KIF13B: variants seen among roughly 807,000 people sequenced by gnomAD.
KIF13B encodes the protein kinesin-like protein KIF13B.
KIF13B carries 127 observed loss-of-function variants against 222.0 expected under a neutral mutation model. That is an observed-to-expected ratio of 0.57 (90% CI 0.50 to 0.66). KIF13B has a LOEUF of 0.66. Among genes scored for constraint, KIF13B ranks in the 30% least tolerant of loss-of-function variants. The probability of loss-of-function intolerance (pLI) is 0.00; values close to 1 mark genes in which losing one functional copy is unlikely to be tolerated. For synonymous variants in KIF13B, 976 were observed against 919.0 expected (o/e 1.06, Z -1.12); for missense variants, 2,173 against 2,379.0 (o/e 0.91, Z 1.80).
intron 35 of KIF13B, among the ~76,000 whole-genome samples, chr8:29,105,057 C>T (rs758056913): frequency 1.8e-4 from 28 of 152,092 alleles, no homozygotes; most frequent in Non-Finnish European, 4.0e-4. Context: ...GCCTCAAACT[C>T]CCGGGCTCAA....
chr8:29,182,017 A>G lies in KIF13B; in HGVS notation c.498-11T>C. 2 of 1,606,892 alleles carry G rather than the reference A, an allele frequency of 1.2e-6. No individual in the cohort carries two copies. Among genetic ancestry groups the G allele is most frequent in the Non-Finnish European group, 1.7e-6 (2 of 1,174,276 alleles). On this transcript the variant is annotated splice_polypyrimidine_tract_variant and intron_variant, in intron 6 of 39. Coordinates refer to ENST00000524189, the MANE Select transcript of KIF13B (RefSeq NM_015254.4). ...AACGTCTGACGGCTTCTGTTCATGA[A>G]AAACAAAGAAATGATTTTTTAACAA... is the stretch of plus-strand genomic sequence containing the variant.
At chr8:29,166,541 T>A (rs1000379614) in intron 11 of KIF13B, among the ~76,000 whole-genome samples, 7 of 151,912 alleles carry the variant, frequency 4.6e-5, no homozygotes, top group Non-Finnish European at 8.8e-5. Context: ...CCTGTCTCTA[T>A]AAAAACTACA....
At chr8:29,203,959 T>G (rs1014804644) in intron 2 of KIF13B, among the ~76,000 whole-genome samples, 37 of 147,770 alleles carry the variant, frequency 2.5e-4, no homozygotes, top group East Asian at 1.8e-3. Flanking sequence ...CTGAAACTGG[T>G]GCCAATTACC....
chr8:29,179,257 T>C (rs1162547911), intron 8 of KIF13B, among the ~76,000 whole-genome samples: 3 of 151,994 alleles, frequency 2.0e-5, no homozygotes, highest in South Asian at 4.1e-4. Flanking sequence ...ACTAGGTCTA[T>C]GGGCATGAAC....
At chr8:29,118,594 T>A (rs1170582431) in intron 30 of KIF13B, among the ~76,000 whole-genome samples, 1 of 152,136 alleles carries the variant, frequency 6.6e-6, no homozygotes, top group Non-Finnish European at 1.5e-5. Flanking sequence ...CTCTCACTGG[T>A]TGAGGAACAG....
rs58237998 is a variant in KIF13B at position 29,179,898 on chromosome 8, G to C, written c.720+206C>G. Among the ~76,000 whole-genome samples, 7,174 of 152,150 alleles carry C rather than the reference G, an allele frequency of 0.047. 359 individuals carry two copies. The highest frequency in any genetic ancestry group is 0.12 in the African/African-American group (5,003 of 41,492). On this transcript the variant is annotated intron_variant, in intron 8 of 39. Coordinates refer to ENST00000524189, the MANE Select transcript of KIF13B (RefSeq NM_015254.4). The stretch of plus-strand genomic sequence containing the variant: ...GCAGTCTAGAACCTGGTCCTCCTCA[G>C]ATGTCCCAACAACCCTGGAATGACC...
At chr8:29,121,807 TTTTA>T (rs1162982058) in intron 29 of KIF13B, among the ~76,000 whole-genome samples, 1 of 151,806 alleles carries the variant, frequency 6.6e-6, no homozygotes, top group African/African-American at 2.4e-5. Flanking sequence ...AGTTTTTTTT[TTTTA>T]AACAGGTAAT....
In KIF13B at chr8:29,223,338, A is replaced by G. The variant is rs536283862; in HGVS notation, c.149+22008T>C. On this transcript the variant is annotated intron_variant, in intron 2 of 39. Coordinates refer to ENST00000524189, the MANE Select transcript of KIF13B (RefSeq NM_015254.4). ...GTGAGAGAGACCCTGTCTCAAAAAA[A>G]AAAAAAACAAAAAAATCTAAATCAA... Among the ~76,000 whole-genome samples, 9 of 150,434 alleles carry G rather than the reference A, an allele frequency of 6.0e-5. 1 individual carries two copies. The East Asian group carries it at 1.7e-3, about 29-fold the overall frequency.
rs1807504637 is a variant in KIF13B at position 29,075,325 on chromosome 8, C to T, written c.4477G>A (p.Val1493Met). ...LAHQPVPRIM[V>M]QSASPDIRVT... ...CTGATGTCCGGGCTGGCTGACTGCA[C>T]CATGATGCGGGGCACGGGCTGAGGA... The change falls in exon 38 of 40, where the codon GTG becomes ATG. Residue 1493 changes from valine (V) to methionine (M), a missense_variant. This residue lies in a region of KIF13B where 693 missense variants were observed against 656.2 expected (regional missense o/e 1.06). Coordinates refer to ENST00000524189, the MANE Select transcript of KIF13B (RefSeq NM_015254.4). 2 of 1,559,816 alleles carry T rather than the reference C, an allele frequency of 1.3e-6. No homozygotes were observed. The highest frequency in any genetic ancestry group is 1.4e-5 in the African/African-American group (1 of 73,722).
At chr8:29,083,792 A>G (rs1586752984) in intron 37 of KIF13B, among the ~76,000 whole-genome samples, 1 of 152,176 alleles carries the variant, frequency 6.6e-6, no homozygotes, top group East Asian at 1.9e-4. Context: ...ACAGCACACT[A>G]TATCTATAGC....
At chr8:29,092,164 T>C (rs1808329680) in intron 37 of KIF13B, among the ~76,000 whole-genome samples, 1 of 152,238 alleles carries the variant, frequency 6.6e-6, no homozygotes, top group African/African-American at 2.4e-5. Context: ...GGAAATTGCA[T>C]TTCCAATGGG....
chr8:29,212,791 GTTAA>G (rs1246899871), intron 2 of KIF13B, among the ~76,000 whole-genome samples: 8 of 150,166 alleles, frequency 5.3e-5, no homozygotes, highest in Admixed American at 4.7e-4. Flanking sequence ...AAATTAATGT[GTTAA>G]TTTATTTTGG....
chr8:29,260,679 C>T (rs1041369824), intron 1 of KIF13B, among the ~76,000 whole-genome samples: 20 of 151,566 alleles, frequency 1.3e-4, no homozygotes, highest in Non-Finnish European at 2.4e-4. Context: ...CACAGTGGCA[C>T]GATCTTGGCT....
intron 1 of KIF13B, among the ~76,000 whole-genome samples, chr8:29,260,907 C>T (rs1040832288): frequency 6.6e-6 from 1 of 152,276 alleles, no homozygotes; most frequent in Non-Finnish European, 1.5e-5. Context: ...CGTAAGCCAC[C>T]GTGCCTGGCC....
chr8:29,074,747 T>C (rs549625536), intron 38 of KIF13B, among the ~76,000 whole-genome samples: 36 of 152,374 alleles, frequency 2.4e-4, no homozygotes, highest in Middle Eastern at 6.8e-3. Flanking sequence ...TTTCTAATGA[T>C]TGTGCCTCTG....
chr8:29,176,755 C>T (rs1340186665), intron 9 of KIF13B, among the ~76,000 whole-genome samples: 1 of 151,994 alleles, frequency 6.6e-6, no homozygotes, highest in African/African-American at 2.4e-5. Flanking sequence ...AATTACCTGA[C>T]CCAAAACAGC....
intron 37 of KIF13B, among the ~76,000 whole-genome samples, chr8:29,081,192 C>A (rs1383698846): frequency 2.0e-5 from 3 of 152,182 alleles, no homozygotes; most frequent in African/African-American, 7.2e-5. Context: ...TACAGTCACA[C>A]GTGAGCATTT....
intron 21 of KIF13B, among the ~76,000 whole-genome samples, chr8:29,138,874 A>T (rs1810682978): frequency 6.6e-6 from 1 of 152,218 alleles, no homozygotes; most frequent in African/African-American, 2.4e-5. Flanking sequence ...ACCAACCAAG[A>T]CAATTAAGAA....
chr8:29,251,801 A>G (rs1816295480), intron 1 of KIF13B, among the ~76,000 whole-genome samples: 1 of 152,226 alleles, frequency 6.6e-6, no homozygotes, highest in African/African-American at 2.4e-5. Flanking sequence ...ATAGCACTCA[A>G]TACTATTATA....
Sources: allele counts gnomAD v4.1 joint callset (sites outside exome capture counted in the v4.1 genomes callset), GRCh38; gene constraint gnomAD v4.1.1; regional missense constraint gnomAD v4.1.1; transcripts MANE v1.5; gene names NCBI Gene and HGNC (gene_info 2026-07-23, HGNC 2026-07-21).